The following CCNE1 variants were observed in gnomAD, a reference collection of about 807,000 sequenced individuals.
CCNE1 encodes G1/S-specific cyclin-E1.
CCNE1 carries 8 observed loss-of-function variants against 54.1 expected under a neutral mutation model. That is an observed-to-expected ratio of 0.15 (90% CI 0.09 to 0.27). The LOEUF (loss-of-function observed/expected upper bound fraction) is 0.27. Among genes scored for constraint, CCNE1 ranks in the 10% least tolerant of loss-of-function variants. The pLI is 1.00. For missense variants in CCNE1, 430 were observed against 514.9 expected, an observed-to-expected ratio of 0.84 and a Z score of 1.60; for synonymous variants, 179 against 185.2, an observed-to-expected ratio of 0.97 and a Z score of 0.27.
At chr19:29,815,649 GAC>G (rs1568367774) in intron 4 of CCNE1, among the ~76,000 whole-genome samples, 1 of 138,994 alleles carries the variant, frequency 7.2e-6, no homozygotes, top group African/African-American at 2.7e-5. Flanking sequence ...TTGGGGGGGG[GAC>G]AGAGTCTTGC....
rs576282928 is a variant in CCNE1 at position 29,817,391 on chromosome 19, T to G, written c.327-15T>G. 1 of 1,614,026 alleles carries G rather than the reference T, an allele frequency of 6.2e-7. No homozygotes were observed. The highest frequency in any genetic ancestry group is 8.5e-7 in the Non-Finnish European group (1 of 1,179,910). On this transcript the variant is annotated splice_polypyrimidine_tract_variant and intron_variant, in intron 5 of 11. Transcript: ENST00000262643. ...CCCTTTGTGGGCCTCATTTTTGTTGTGTGTTTTGTTGTAGCTGGGCAAATA... is the reference window on the plus strand; with the variant it reads ...CCCTTTGTGGGCCTCATTTTTGTTGGGTGTTTTGTTGTAGCTGGGCAAATA...
chr19:29,816,966 A>T (rs530417847), intron 4 of CCNE1, among the ~76,000 whole-genome samples, 171 bp from the exon 5 acceptor site: 1 of 151,894 alleles, frequency 6.6e-6, no homozygotes, highest in Non-Finnish European at 1.5e-5. Flanking sequence ...TGTACTCATT[A>T]AAAAAATCTT....
intron 1 of CCNE1, 112 bp from the exon 2 acceptor site, chr19:29,812,420 C>T (rs1973910990): frequency 4.4e-6 from 3 of 688,836 alleles, no homozygotes; most frequent in Non-Finnish European, 5.9e-6. Flanking sequence ...TGACAGGCCA[C>T]CCCGCCATCG....
At chr19:29,820,637 T>TG (rs1312536253) in intron 6 of CCNE1, 65 bp from the exon 7 acceptor site, 10 of 1,076,942 alleles carry the variant, frequency 9.3e-6, no homozygotes, top group African/African-American at 2.0e-5. Context: ...CATTACAAGT[T>TG]TTTTTTTTTT....
intron 6 of CCNE1, among the ~76,000 whole-genome samples, chr19:29,818,452 G>A (rs1361813443): frequency 1.3e-5 from 2 of 152,268 alleles, no homozygotes; most frequent in Middle Eastern, 3.4e-3. Flanking sequence ...GAGCCACCAT[G>A]CCCAGCTAAA....
At position 29,813,039 on chromosome 19, in the gene CCNE1, T is replaced by A. The variant is rs561792925; in HGVS notation, c.180+2T>A. ...GCGAGGGACCAGTGTGGGAGCCAGG[T>A]AGGTCCGCCCGGGGTTGGGCCTCTG... On this transcript the variant is annotated splice_donor_variant, in intron 4 of 11. Coordinates refer to ENST00000262643, the MANE Select transcript of CCNE1 (RefSeq NM_001238.4). LOFTEE classifies it high-confidence loss of function. 5 of 1,614,098 alleles carry A rather than the reference T, an allele frequency of 3.1e-6. No individual in the cohort carries two copies. The African/African-American group carries it at 6.7e-5, about 22-fold the overall frequency.
At chr19:29,819,743 A>G (rs1051962844) in intron 6 of CCNE1, among the ~76,000 whole-genome samples, 4 of 152,238 alleles carry the variant, frequency 2.6e-5, no homozygotes, top group Non-Finnish European at 5.9e-5. Flanking sequence ...TTTCTTGATT[A>G]AGGGAAGCTT....
rs780714054 is a variant in CCNE1 at position 29,822,365 on chromosome 19, C to T, written c.952+14C>T. 1 of 1,613,706 alleles carries T rather than the reference C, an allele frequency of 6.2e-7. No homozygotes were observed. Among genetic ancestry groups the T allele is most frequent in the Non-Finnish European group, 8.5e-7 (1 of 1,179,626 alleles). On this transcript the variant is annotated intron_variant, in intron 10 of 11. Coordinates refer to ENST00000262643, the MANE Select transcript of CCNE1 (RefSeq NM_001238.4). ...AAAAGGTTTCAGGTAAGTTGGCTTT[C>T]CAGTGCATGCACAAACAAGGTGTAC...
intron 2 of CCNE1, 32 bp from the exon 3 acceptor site, chr19:29,812,657 C>T (rs1192753793): frequency 1.9e-6 from 3 of 1,566,136 alleles, no homozygotes; most frequent in South Asian, 2.3e-5. Context: ...GCCGCGGGTG[C>T]TCACCCGGCC....
Position 29,812,705 on chromosome 19 carries a change from G to C in CCNE1, c.40G>C (p.Asp14His), listed in dbSNP as rs1973921189. The C allele has an allele frequency of 6.3e-6, 10 of 1,591,492 alleles. No individual in the cohort carries two copies. Among genetic ancestry groups the C allele is most frequent in the African/African-American group, 2.7e-5 (2 of 74,854 alleles). ...ERRERDAKER[D>H]TMKEDGGAEF... The stretch of plus-strand genomic sequence containing the variant: ...GGTCCACAGGGATGCGAAGGAGCGG[G>C]ACACCATGAAGGAGGACGGCGGCGC... The change falls in exon 3 of 12, where the codon GAC becomes CAC. Residue 14 changes from aspartate (D) to histidine (H), a missense_variant. Transcript: ENST00000262643.
At chr19:29,820,992 A>G in intron 7 of CCNE1, 144 bp downstream of exon 7, 2 of 604,994 alleles carry the variant, frequency 3.3e-6, no homozygotes, top group Non-Finnish European at 5.7e-6. Flanking sequence ...GACACATGCC[A>G]AAAAGAAAAA....
chr19:29,812,767 C>T lies in CCNE1; in HGVS notation c.102C>T (p.Asn34=). The change falls in exon 3 of 12, where the codon AAC becomes AAT. Residue 34 remains asparagine, a synonymous_variant. Transcript: ENST00000262643. ...FSARSRKRKA[N]VTVFLQDPDE... Reference sequence around the variant, plus strand: ...CTCGCTCCAGGAAGAGGAAGGCAAACGTGACCGTTGTGAGTACAAAAGAGA... The same window carrying T: ...CTCGCTCCAGGAAGAGGAAGGCAAATGTGACCGTTGTGAGTACAAAAGAGA... 3 of 1,591,886 alleles carry T rather than the reference C, an allele frequency of 1.9e-6. No individual in the cohort carries two copies. Among genetic ancestry groups the T allele is most frequent in the Non-Finnish European group, 1.7e-6 (2 of 1,171,038 alleles).
chr19:29,821,998 C>T lies in CCNE1; in HGVS notation c.708C>T (p.Ala236=), dbSNP rs142329560. Residue 236 remains alanine (A), a splice_region_variant and synonymous_variant, in exon 9 of 12, where the codon GCC becomes GCT. Coordinates refer to ENST00000262643, the MANE Select transcript of CCNE1 (RefSeq NM_001238.4). ...CTTTTCTCTCTGTTTTCCTTTAGGC[C>T]CTTAAGTGGCGTTTAAGTCCCCTGA... The part of the protein sequence containing the change: ...ILTMELMIMK[A]LKWRLSPLTI... 1 of 1,609,264 alleles carries T rather than the reference C, an allele frequency of 6.2e-7. No individual in the cohort carries two copies. Among genetic ancestry groups the T allele is most frequent in the Non-Finnish European group, 8.5e-7 (1 of 1,177,492 alleles).
intron 6 of CCNE1, among the ~76,000 whole-genome samples, chr19:29,818,128 G>A (rs1974070293): frequency 6.7e-6 from 1 of 149,688 alleles, no homozygotes; most frequent in African/African-American, 2.5e-5. Flanking sequence ...CCGGGTTCAT[G>A]CCATTCTCCT....
At position 29,812,704 on chromosome 19, in the gene CCNE1, G is replaced by A. The variant is rs775748420; in HGVS notation, c.39G>A (p.Arg13=). The part of the protein sequence containing the change: ...RERRERDAKE[R]DTMKEDGGAE... The stretch of plus-strand genomic sequence containing the variant: ...GGGTCCACAGGGATGCGAAGGAGCG[G>A]GACACCATGAAGGAGGACGGCGGCG... The change falls in exon 3 of 12, where the codon CGG becomes CGA. Residue 13 remains arginine (R), a synonymous_variant. Transcript: ENST00000262643. 1.3e-6 allele frequency: 2 copies of A among 1,591,224 alleles called. No individual in the cohort carries two copies. Among genetic ancestry groups the A allele is most frequent in the East Asian group, 4.5e-5 (2 of 44,028 alleles).
intron 6 of CCNE1, 58 bp downstream of exon 6, chr19:29,817,599 G>T (rs774297902): frequency 6.3e-7 from 1 of 1,592,514 alleles, no homozygotes; most frequent in Non-Finnish European, 8.6e-7. Context: ...CAGCATTTTT[G>T]TGTATTAGGA....
Position 29,817,427 on chromosome 19 carries a change from C to G in CCNE1, c.348C>G (p.Val116=), listed in dbSNP as rs761971284. ...PVLSWANREE[V]WKIMLNKEKT... The stretch of plus-strand genomic sequence containing the variant: ...GTAGCTGGGCAAATAGAGAGGAAGT[C>G]TGGAAAATCATGTTAAACAAGGAAA... Residue 116 remains valine, a synonymous_variant, in exon 6 of 12, where the codon GTC becomes GTG. Transcript: ENST00000262643. 1.2e-6 allele frequency: 2 copies of G among 1,614,140 alleles called. No homozygotes were observed. The highest frequency in any genetic ancestry group is 3.3e-5 in the Admixed American group (2 of 60,018).
intron 10 of CCNE1, 37 bp from the exon 11 acceptor site, chr19:29,822,409 T>C: frequency 3.1e-6 from 5 of 1,614,050 alleles, no homozygotes; most frequent in Non-Finnish European, 4.2e-6. Context: ...CATCCAGTTG[T>C]CAGCCTCAGA....
rs1490603387 is a variant in CCNE1, at chr19:29,812,092, T to TGCCGTC, written c.-80_-75dup. The TGCCGTC allele has an allele frequency of 1.4e-5, 2 of 144,136 alleles. No individual in the cohort carries two copies. The highest frequency in any genetic ancestry group is 3.0e-5 in the Non-Finnish European group (2 of 66,692). 8.9% of individuals were successfully genotyped at this position (144,136 alleles called of 1,614,324 possible). A position where few individuals can be genotyped will look rare whatever the true frequency, so the allele number is the denominator to read the frequency against. ...CGACTCCCGGCGCCGCCGCCGCCAC[T>TGCCGTC]GCCGTCGCCGCCGCCGCCTGCCGGG... is the stretch of plus-strand genomic sequence containing the variant. On this transcript the variant is annotated 5_prime_UTR_variant, in exon 1 of 12. Transcript: ENST00000262643.
Sources: gnomAD v4.1 joint callset for allele counts (sites outside exome capture counted in the v4.1 genomes callset) on GRCh38, gnomAD v4.1.1 for gene constraint, MANE v1.5 for transcripts, NCBI Gene and HGNC (gene_info 2026-07-23, HGNC 2026-07-21) for gene names.